SLC22A15: variants seen among roughly 807,000 people sequenced by gnomAD.
The protein encoded by SLC22A15 is solute carrier family 22 member 15, also known as flipt 1.
SLC22A15 carries 45 observed loss-of-function variants against 62.7 expected under a neutral mutation model. The ratio of observed to expected loss-of-function variants is 0.72; its 90% confidence interval spans 0.56 to 0.92. The LOEUF (loss-of-function observed/expected upper bound fraction) is 0.92. SLC22A15 is among the 40% of genes least tolerant of loss of function. The pLI is 0.00. For missense variants in SLC22A15, 622 were observed against 665.6 expected, an observed-to-expected ratio of 0.93 and a Z score of 0.72; for synonymous variants, 264 against 267.0, an observed-to-expected ratio of 0.99 and a Z score of 0.11.
intron 2 of SLC22A15, among the ~76,000 whole-genome samples, chr1:115,994,320 G>T (rs561428864): frequency 1.5e-4 from 23 of 152,246 alleles, no homozygotes; most frequent in African/African-American, 4.8e-4. Flanking sequence ...ATTCTATGAG[G>T]TAGGAATCAT....
Position 116,062,856 on chromosome 1 carries a change from C to T in SLC22A15, c.1266C>T (p.Thr422=), listed in dbSNP as rs772905143. Residue 422 remains threonine, a synonymous_variant, in exon 9 of 12, where the codon ACC becomes ACT. Transcript: ENST00000369503. ...CCTTTAACATTGTTTATATCTACAC[C>T]TCTGAGCTTTACCCTACAGTCATCA... ...SAAFNIVYIY[T]SELYPTVIRN... 9.3e-6 allele frequency: 15 copies of T among 1,613,840 alleles called. No homozygotes were observed. The highest frequency in any genetic ancestry group is 1.3e-5 in the Non-Finnish European group (15 of 1,179,768).
intron 2 of SLC22A15, among the ~76,000 whole-genome samples, chr1:116,002,388 G>A (rs534335530): frequency 2.6e-4 from 40 of 152,244 alleles, no homozygotes; most frequent in African/African-American, 8.7e-4. Flanking sequence ...TCTTTAGTCA[G>A]TGGGTGATTA....
chr1:116,036,283 G>A (rs1425933224), intron 7 of SLC22A15, among the ~76,000 whole-genome samples: 1 of 152,160 alleles, frequency 6.6e-6, no homozygotes, highest in Non-Finnish European at 1.5e-5. Context: ...TACCTCTGGG[G>A]CCACTTAAAA....
At chr1:116,027,784 C>T (rs1657171476) in intron 5 of SLC22A15, among the ~76,000 whole-genome samples, 1 of 152,122 alleles carries the variant, frequency 6.6e-6, no homozygotes, top group Admixed American at 6.5e-5. Flanking sequence ...CGCCACCACG[C>T]CCGACTGATT....
At chr1:116,035,127 T>C (rs1657585160) in intron 6 of SLC22A15, 60 bp from the exon 7 acceptor site, 4 of 1,549,442 alleles carry the variant, frequency 2.6e-6, no homozygotes, top group Non-Finnish European at 3.5e-6. Flanking sequence ...CAAATTCTTA[T>C]GTACTTTTCT....
Position 116,020,867 on chromosome 1 carries a change from G to T in SLC22A15, c.580G>T (p.Ala194Ser), listed in dbSNP as rs1487998176. Reference protein sequence around the residue: ...FVLLNECVGTAYWALAGSIGG... With the variant: ...FVLLNECVGTSYWALAGSIGG... ...CTTGCTTAATGAATGTGTGGGCACC[G>T]CCTACTGGGCACTTGCAGGTACTAC... The change falls in exon 4 of 12, where the codon GCC becomes TCC. Residue 194 changes from alanine to serine, a missense_variant. Transcript: ENST00000369503. 11 of 1,611,124 alleles carry T rather than the reference G, an allele frequency of 6.8e-6. No individual in the cohort carries two copies. Among genetic ancestry groups the T allele is most frequent in the Admixed American group, 1.7e-5 (1 of 59,768 alleles).
intron 3 of SLC22A15, 115 bp from the exon 4 acceptor site, chr1:116,020,606 G>A (rs1378033760): frequency 3.4e-6 from 3 of 889,104 alleles, no homozygotes; most frequent in South Asian, 2.7e-5. Flanking sequence ...CACAAAAACA[G>A]CTCAGAAAAT....
At chr1:116,041,088 G>A (rs1657771639) in intron 8 of SLC22A15, among the ~76,000 whole-genome samples, 1 of 152,196 alleles carries the variant, frequency 6.6e-6, no homozygotes, top group Non-Finnish European at 1.5e-5. Flanking sequence ...GATTATGGCA[G>A]TTGTGGTCCT....
chr1:116,018,500 G>T (rs899824636), intron 2 of SLC22A15, among the ~76,000 whole-genome samples: 2 of 152,136 alleles, frequency 1.3e-5, no homozygotes, highest in Non-Finnish European at 2.9e-5. Flanking sequence ...AAGTAGCTGG[G>T]ACTACAGGCG....
In SLC22A15 at chr1:115,984,214, G is replaced by T. The variant is rs189730480; in HGVS notation, c.87+7500G>T. 3.1e-4 allele frequency among the ~76,000 whole-genome samples: 47 copies of T among 152,252 alleles called. No individual in the cohort carries two copies. The East Asian group carries it at 6.9e-3, about 22-fold the overall frequency. ...TAGCCATATAATTCTTCCCAGTTAT[G>T]TAAAGATATATTCTTTACTTTCCTG... is the stretch of plus-strand genomic sequence containing the variant. On this transcript the variant is annotated intron_variant, in intron 1 of 11. Transcript: ENST00000369503.
intron 9 of SLC22A15, among the ~76,000 whole-genome samples, chr1:116,063,986 C>A (rs566350988): frequency 6.6e-6 from 1 of 152,052 alleles, no homozygotes; most frequent in Admixed American, 6.6e-5. Context: ...AAATGAGCAG[C>A]CTTTTCAGAT....
In SLC22A15 at chr1:115,992,392, A is replaced by C. The variant is rs998203604; in HGVS notation, c.300+149A>C. ...GTTAAAGGTTTTAATGTATCAAAGG[A>C]GAACATTCTATGAGAACACATTCCT... is the stretch of plus-strand genomic sequence containing the variant. On this transcript the variant is annotated intron_variant, in intron 2 of 11. Coordinates refer to ENST00000369503, the MANE Select transcript of SLC22A15 (RefSeq NM_018420.3). 5 of 703,808 alleles carry C rather than the reference A, an allele frequency of 7.1e-6. No individual in the cohort carries two copies. In the African/African-American group the frequency reaches 8.9e-5, roughly 13 times the overall value. 43.6% of individuals were successfully genotyped at this position (703,808 alleles called of 1,614,324 possible). A position where few individuals can be genotyped will look rare whatever the true frequency, so the allele number is the denominator to read the frequency against.
At chr1:116,006,848 CTCTG>C (rs776480082) in intron 2 of SLC22A15, among the ~76,000 whole-genome samples, 30 of 151,814 alleles carry the variant, frequency 2.0e-4, no homozygotes, top group Non-Finnish European at 3.5e-4. Context: ...TTGCCTTTCC[CTCTG>C]TCTGTCTTTA....
At chr1:116,066,473 G>A in intron 10 of SLC22A15, 47 bp from the exon 11 acceptor site, 1 of 1,497,988 alleles carries the variant, frequency 6.7e-7, no homozygotes, top group Non-Finnish European at 9.0e-7. Context: ...ACATGCTAAG[G>A]AAACTAATTC....
intron 1 of SLC22A15, among the ~76,000 whole-genome samples, chr1:115,979,219 C>T (rs1654474715): frequency 6.6e-6 from 1 of 152,176 alleles, no homozygotes; most frequent in Admixed American, 6.5e-5. Context: ...TTTTGGTTAA[C>T]TGTTTTCTTG....
At chr1:115,981,786 C>T (rs1390410302) in intron 1 of SLC22A15, among the ~76,000 whole-genome samples, 4 of 152,266 alleles carry the variant, frequency 2.6e-5, no homozygotes, top group Middle Eastern at 3.4e-3. Context: ...CTTCCAAGGC[C>T]ATCCCTGGCT....
intron 1 of SLC22A15, among the ~76,000 whole-genome samples, chr1:115,991,619 C>T (rs1421605609): frequency 6.6e-6 from 1 of 152,148 alleles, no homozygotes; most frequent in African/African-American, 2.4e-5. Flanking sequence ...CTCCTAGCCC[C>T]CTAGTGAATG....
rs963419290 is a variant in SLC22A15 at position 116,068,641 on chromosome 1, A to C, written c.*1533A>C. 5.3e-5 allele frequency: 8 copies of C among 152,198 alleles called. No individual in the cohort carries two copies. Among genetic ancestry groups the C allele is most frequent in the African/African-American group, 1.9e-4 (8 of 41,458 alleles). The allele number at this position is 152,198 out of a possible 1,614,324, so 9.4% of individuals were successfully genotyped here. A position where few individuals can be genotyped will look rare whatever the true frequency, so the allele number is the denominator to read the frequency against. On this transcript the variant is annotated 3_prime_UTR_variant, in exon 12 of 12. Coordinates refer to ENST00000369503, the MANE Select transcript of SLC22A15 (RefSeq NM_018420.3). ...CTGTGCCCAGAACATTGGCGTAGAC[A>C]CAGTAAGAACCTAGTAAATATTACT...
At chr1:116,032,521 T>C in intron 6 of SLC22A15, 2 of 985,378 alleles carry the variant, frequency 2.0e-6, no homozygotes, top group Non-Finnish European at 2.4e-6. Flanking sequence ...CTACAAAGAA[T>C]AGTAGCTTTA....
Sources: allele counts gnomAD v4.1 joint callset (sites outside exome capture counted in the v4.1 genomes callset), GRCh38; gene constraint gnomAD v4.1.1; transcripts MANE v1.5; gene names NCBI Gene and HGNC (gene_info 2026-07-23, HGNC 2026-07-21).